SLC9A9: variants seen among roughly 807,000 people sequenced by gnomAD.
SLC9A9 encodes solute carrier family 9 member A9.
In SLC9A9, 62 loss-of-function variants were observed where a neutral mutation model predicts 77.8. The observed-to-expected ratio is 0.80, with a 90% CI of 0.65 to 0.98. SLC9A9 has a LOEUF of 0.98. Ranked by LOEUF, SLC9A9 falls within the 50% of genes least tolerant of loss-of-function variation. The probability of loss-of-function intolerance (pLI) is 0.00; values close to 1 mark genes in which losing one functional copy is unlikely to be tolerated. For synonymous variants in SLC9A9, 320 were observed against 283.5 expected (o/e 1.13, Z -1.29); for missense variants, 775 against 774.9 (o/e 1.00, Z 0.00).
At chr3:143,674,324 C>T (rs906337002) in intron 5 of SLC9A9, among the ~76,000 whole-genome samples, 1 of 152,160 alleles carries the variant, frequency 6.6e-6, no homozygotes, top group Non-Finnish European at 1.5e-5. Context: ...GACCACCAAT[C>T]CCAACCTCAT....
At chr3:143,551,692 T>A (rs148780214) in intron 9 of SLC9A9, among the ~76,000 whole-genome samples, 1 of 152,256 alleles carries the variant, frequency 6.6e-6, no homozygotes, top group Non-Finnish European at 1.5e-5. Context: ...CGTATTTCTA[T>A]GACAATACTT....
chr3:143,571,078 C>T (rs952718196), intron 8 of SLC9A9, among the ~76,000 whole-genome samples: 3 of 152,052 alleles, frequency 2.0e-5, no homozygotes, highest in Non-Finnish European at 4.4e-5. Flanking sequence ...GGTAGGCGGC[C>T]GAGAGCCCTG....
At chr3:143,324,100 A>G (rs967809512) in intron 14 of SLC9A9, among the ~76,000 whole-genome samples, 2 of 152,012 alleles carry the variant, frequency 1.3e-5, no homozygotes, top group Non-Finnish European at 1.5e-5. Flanking sequence ...GCTTTTCGCT[A>G]TTATCAGAAT....
chr3:143,296,118 A>T (rs541140277), intron 14 of SLC9A9, among the ~76,000 whole-genome samples: 1 of 152,336 alleles, frequency 6.6e-6, no homozygotes, highest in South Asian at 2.1e-4. Flanking sequence ...AGTGCATAAT[A>T]ATAGTATTGT....
At position 143,493,700 on chromosome 3, in the gene SLC9A9, C is replaced by T. The variant is rs368254745; in HGVS notation, c.1268G>A (p.Arg423Gln). 80 of 1,613,950 alleles carry T rather than the reference C, an allele frequency of 5.0e-5. No individual in the cohort carries two copies. Among genetic ancestry groups the T allele is most frequent in the African/African-American group, 1.7e-4 (13 of 74,918 alleles). The change falls in exon 11 of 16, where the codon CGA becomes CAA. Residue 423 changes from arginine to glutamine, a missense_variant. Coordinates refer to ENST00000316549, the MANE Select transcript of SLC9A9 (RefSeq NM_173653.4). ...YPLSFLLNLG[R>Q]KQKIPWNFQH... is the part of the protein sequence containing the mutation. ...AAAGTTCCAGGGGATCTTCTGTTTT[C>T]GGCCTAGATTCAGGAGGAAGGAGAG...
At chr3:143,317,062 G>A (rs569890063) in intron 14 of SLC9A9, among the ~76,000 whole-genome samples, 1 of 152,060 alleles carries the variant, frequency 6.6e-6, no homozygotes, top group Non-Finnish European at 1.5e-5. Flanking sequence ...CTCAATAATC[G>A]TTGACCATGA....
intron 5 of SLC9A9, among the ~76,000 whole-genome samples, chr3:143,663,487 G>A (rs571550115): frequency 6.6e-6 from 1 of 152,334 alleles, no homozygotes; most frequent in African/African-American, 2.4e-5. Context: ...ATAGAAGTAG[G>A]CTTCAGAAGA....
chr3:143,444,256 T>C (rs2034803551), intron 12 of SLC9A9, among the ~76,000 whole-genome samples: 1 of 152,254 alleles, frequency 6.6e-6, no homozygotes. Flanking sequence ...ATTTCCTTTA[T>C]GTAAACAGGG....
chr3:143,737,549 C>T (rs796188451), intron 4 of SLC9A9, among the ~76,000 whole-genome samples: 4 of 151,486 alleles, frequency 2.6e-5, no homozygotes, highest in African/African-American at 9.7e-5. Flanking sequence ...CCTGATAATA[C>T]GTGTTCATCT....
At chr3:143,542,975 T>C (rs1199409310) in intron 9 of SLC9A9, among the ~76,000 whole-genome samples, 1 of 152,220 alleles carries the variant, frequency 6.6e-6, no homozygotes, top group African/African-American at 2.4e-5. Context: ...AGAAGTGTGG[T>C]GAGTGTTAAG....
chr3:143,592,574 T>C (rs996181785), intron 6 of SLC9A9, among the ~76,000 whole-genome samples: 4 of 152,132 alleles, frequency 2.6e-5, no homozygotes, highest in Non-Finnish European at 5.9e-5. Context: ...GATGCCTAAG[T>C]ATATGTAGAT....
At chr3:143,625,822 A>G (rs895587481) in intron 6 of SLC9A9, among the ~76,000 whole-genome samples, 124 of 152,360 alleles carry the variant, frequency 8.1e-4, no homozygotes, top group Non-Finnish European at 1.5e-3. Flanking sequence ...ATCAGAGTGA[A>G]CAGGCAACCT....
intron 12 of SLC9A9, among the ~76,000 whole-genome samples, chr3:143,404,783 G>A (rs1039350835): frequency 6.6e-6 from 1 of 152,132 alleles, no homozygotes; most frequent in African/African-American, 2.4e-5. Context: ...TTATTTAATG[G>A]CTTGCCTAGA....
At chr3:143,404,903 C>A (rs369666865) in intron 12 of SLC9A9, among the ~76,000 whole-genome samples, 1 of 152,196 alleles carries the variant, frequency 6.6e-6, no homozygotes, top group East Asian at 1.9e-4. Context: ...CCTGGATCAG[C>A]GTAGCTTAAT....
intron 12 of SLC9A9, among the ~76,000 whole-genome samples, chr3:143,443,557 TA>T (rs1183341325): frequency 6.6e-6 from 1 of 152,202 alleles, no homozygotes; most frequent in Non-Finnish European, 1.5e-5. Context: ...ACCCTGTGTT[TA>T]AATGAGCATT....
At position 143,385,709 on chromosome 3, in the gene SLC9A9, T is replaced by C. The variant is rs1449710104; in HGVS notation, c.1470-3595A>G. Reference sequence around the variant, plus strand: ...GAAGACATAATATTGTCCCAGTTTGTGGTGTTACATGTATATAGCAGCCCC... The same window carrying C: ...GAAGACATAATATTGTCCCAGTTTGCGGTGTTACATGTATATAGCAGCCCC... On this transcript the variant is annotated intron_variant, in intron 12 of 15. Transcript: ENST00000316549. 2.6e-5 allele frequency among the ~76,000 whole-genome samples: 4 copies of C among 152,212 alleles called. No individual in the cohort carries two copies. In the South Asian group the frequency reaches 6.2e-4, roughly 24 times the overall value.
intron 4 of SLC9A9, among the ~76,000 whole-genome samples, chr3:143,792,254 T>C (rs2008246985): frequency 6.6e-6 from 1 of 152,266 alleles, no homozygotes; most frequent in South Asian, 2.1e-4. Context: ...AGTCACTTTC[T>C]ATAGTTTGAT....
At chr3:143,674,330 C>T (rs2039205119) in intron 5 of SLC9A9, among the ~76,000 whole-genome samples, 2 of 152,116 alleles carry the variant, frequency 1.3e-5, no homozygotes, top group Admixed American at 1.3e-4. Context: ...CAATCCCAAC[C>T]TCATTTTTAG....
At chr3:143,422,303 G>T (rs2034314032) in intron 12 of SLC9A9, among the ~76,000 whole-genome samples, 2 of 152,170 alleles carry the variant, frequency 1.3e-5, no homozygotes, top group African/African-American at 4.8e-5. Flanking sequence ...TCACTTTTGT[G>T]TTCATCGCAG....
Sources: allele counts gnomAD v4.1 joint callset (sites outside exome capture counted in the v4.1 genomes callset), GRCh38; gene constraint gnomAD v4.1.1; transcripts MANE v1.5; gene names NCBI Gene and HGNC (gene_info 2026-07-23, HGNC 2026-07-21).